The following ARFGEF1 variants were observed in gnomAD, a reference collection of about 807,000 sequenced individuals.
ARFGEF1 encodes the protein brefeldin A-inhibited guanine nucleotide-exchange protein 1.
A neutral mutation model predicts 231.0 loss-of-function variants in ARFGEF1; 42 were observed. The ratio of observed to expected loss-of-function variants is 0.18; its 90% CI spans 0.14 to 0.24. ARFGEF1 has a LOEUF of 0.24. ARFGEF1 is among the 10% of genes least tolerant of loss of function. ARFGEF1 has a pLI of 1.00. For synonymous variants in ARFGEF1, 710 were observed against 732.3 expected (o/e 0.97, Z 0.49); for missense variants, 1,345 against 2,192.0 (o/e 0.61, Z 7.72).
At chr8:67,292,625 T>C (rs1806058722) in intron 5 of ARFGEF1, among the ~76,000 whole-genome samples, 1 of 152,126 alleles carries the variant, frequency 6.6e-6, no homozygotes, top group Non-Finnish European at 1.5e-5. Flanking sequence ...AATGAAGGCT[T>C]AAATCACTCT....
At chr8:67,234,674 T>C (rs542476108) in intron 22 of ARFGEF1, among the ~76,000 whole-genome samples, 1 of 152,152 alleles carries the variant, frequency 6.6e-6, no homozygotes, top group South Asian at 2.1e-4. Context: ...GACCCTTAGG[T>C]TTAATGTACT....
chr8:67,181,954 T>C (rs1833162140), intron 5 of ARFGEF1, among the ~76,000 whole-genome samples: 2 of 152,204 alleles, frequency 1.3e-5, no homozygotes, highest in South Asian at 4.1e-4. Context: ...CTTATTTCAC[T>C]TCACATAACA....
At chr8:67,236,365 A>AAAAAAAAAAT (rs1554638966) in intron 22 of ARFGEF1, among the ~76,000 whole-genome samples, 1 of 29,068 alleles carries the variant, frequency 3.4e-5, no homozygotes, top group Non-Finnish European at 5.9e-5. Flanking sequence ...AAAAAAAAAA[A>AAAAAAAAAAT]ATATATATAT....
chr8:67,192,075 T>G (rs572629914), intron 5 of ARFGEF1, among the ~76,000 whole-genome samples: 41 of 134,768 alleles, frequency 3.0e-4, no homozygotes, highest in East Asian at 1.3e-3. Flanking sequence ...TGTTTTTTTT[T>G]TTGTTTTTTT....
At chr8:67,228,665 T>C (rs913436722) in intron 23 of ARFGEF1, among the ~76,000 whole-genome samples, 1 of 152,092 alleles carries the variant, frequency 6.6e-6, no homozygotes, top group Admixed American at 6.6e-5. Context: ...AAATTTGACG[T>C]ATTTTTACCA....
In ARFGEF1 at chr8:67,218,215, T is replaced by A. The variant is rs1242591792; in HGVS notation, c.4339-77A>T. ...TTAAAAAAAAAAAAAAAAATATATATATATATATATATATATATAAATGTT... is the reference window on the plus strand; with the variant it reads ...TTAAAAAAAAAAAAAAAAATATATAAATATATATATATATATATAAATGTT... On this transcript the variant is annotated intron_variant, in intron 30 of 38. Coordinates refer to ENST00000262215, the MANE Select transcript of ARFGEF1 (RefSeq NM_006421.5). The A allele has an allele frequency of 4.4e-4, 89 of 203,170 alleles. 1 individual carries two copies. Among genetic ancestry groups the A allele is most frequent in the Admixed American group, 2.6e-3 (39 of 14,814 alleles). The allele number at this position is 203,170 out of a possible 1,614,324, so 12.6% of individuals were successfully genotyped here.
At chr8:67,311,148 T>C (rs1256534314) in intron 1 of ARFGEF1, among the ~76,000 whole-genome samples, 8 of 133,580 alleles carry the variant, frequency 6.0e-5, no homozygotes, top group East Asian at 2.4e-4. Flanking sequence ...CTGCCCCGTC[T>C]GGGAGGTGAG....
intron 2 of ARFGEF1, 54 bp from the exon 3 acceptor site, chr8:67,301,434 A>G (rs1214518025): frequency 2.0e-6 from 3 of 1,517,960 alleles, no homozygotes; most frequent in South Asian, 1.3e-5. Context: ...AATATTGATA[A>G]TAAACCCATG....
At chr8:67,291,084 T>A (rs1805987177) in intron 6 of ARFGEF1, among the ~76,000 whole-genome samples, 1 of 151,974 alleles carries the variant, frequency 6.6e-6, no homozygotes, top group African/African-American at 2.4e-5. Context: ...ACAACCACAC[T>A]GGAGAGGCAA....
intron 5 of ARFGEF1, among the ~76,000 whole-genome samples, chr8:67,295,749 A>G (rs1360466942): frequency 6.6e-6 from 1 of 152,170 alleles, no homozygotes; most frequent in East Asian, 1.9e-4. Context: ...TTTAGTTAAC[A>G]GTATTGTACC....
rs1177707036 is a variant in ARFGEF1 at position 67,184,743 on chromosome 8, AT to A, written c.561-9172del. On this transcript the variant is annotated intron_variant, in intron 5 of 5. Coordinates refer to the ARFGEF1 transcript ENST00000518789. Reference sequence around the variant, plus strand: ...TGTCTAAAAAAATAATAATAAAAAAATATAATAATAATAATAATAATAATAA... The same window carrying A: ...TGTCTAAAAAAATAATAATAAAAAAAATAATAATAATAATAATAATAATAA... Among the ~76,000 whole-genome samples, 254 of 127,098 alleles carry A rather than the reference AT, an allele frequency of 2.0e-3. 3 individuals carry two copies. Among genetic ancestry groups the A allele is most frequent in the African/African-American group, 8.9e-3 (243 of 27,212 alleles). The allele number at this position is 127,098 out of a possible 152,430, so 83.4% of individuals were successfully genotyped here.
At chr8:67,240,129 C>T in intron 20 of ARFGEF1, 33 bp downstream of exon 20, 3 of 1,599,768 alleles carry the variant, frequency 1.9e-6, no homozygotes, top group Non-Finnish European at 2.6e-6. Flanking sequence ...ATTAATGTTC[C>T]AAACTGGCTA....
chr8:67,267,513 C>A, intron 10 of ARFGEF1, 71 bp from the exon 11 acceptor site: 1 of 1,020,382 alleles, frequency 9.8e-7, no homozygotes, highest in Non-Finnish European at 1.5e-6. Flanking sequence ...TTTTAAACAT[C>A]CCAGAGCTAT....
chr8:67,222,066 G>T (rs1839184849), intron 29 of ARFGEF1, among the ~76,000 whole-genome samples: 1 of 150,150 alleles, frequency 6.7e-6, no homozygotes, highest in African/African-American at 2.4e-5. Context: ...GCCCACCTTG[G>T]CCTCCCAAAG....
intron 14 of ARFGEF1, among the ~76,000 whole-genome samples, chr8:67,261,603 G>A (rs777965053): frequency 4.6e-5 from 7 of 152,214 alleles, no homozygotes; most frequent in Non-Finnish European, 8.8e-5. Flanking sequence ...TGATGGAGAT[G>A]TGCGATGAGA....
At chr8:67,297,990 G>A (rs1169322819) in intron 4 of ARFGEF1, among the ~76,000 whole-genome samples, 1 of 151,954 alleles carries the variant, frequency 6.6e-6, no homozygotes. Context: ...ATTTTTTGTA[G>A]AGACAGGGTC....
chr8:67,251,220 C>T (rs1325813083), intron 19 of ARFGEF1, 79 bp downstream of exon 19: 2 of 1,330,670 alleles, frequency 1.5e-6, no homozygotes, highest in African/African-American at 3.0e-5. Context: ...CACTGTATCG[C>T]TTCCTTAACT....
At position 67,211,700 on chromosome 8, in the gene ARFGEF1, T is replaced by C; in HGVS notation, c.4687-85A>G. On this transcript the variant is annotated intron_variant, in intron 33 of 38. Coordinates refer to ENST00000262215, the MANE Select transcript of ARFGEF1 (RefSeq NM_006421.5). ...TTTTCTAAAACGCTATTTTAAAAAA[T>C]TATATTATGTCCCTATGAAAATGAT... The C allele has an allele frequency of 4.0e-6, 3 of 756,174 alleles. No homozygotes were observed. In the South Asian group the frequency reaches 1.1e-4, roughly 28 times the overall value. The allele number at this position is 756,174 out of a possible 1,614,324, so 46.8% of individuals were successfully genotyped here. A position where few individuals can be genotyped will look rare whatever the true frequency, so the allele number is the denominator to read the frequency against.
At chr8:67,313,542 T>C (rs1006387220) in intron 1 of ARFGEF1, among the ~76,000 whole-genome samples, 2 of 152,146 alleles carry the variant, frequency 1.3e-5, no homozygotes, top group Non-Finnish European at 2.9e-5. Context: ...ACTGCAGTGA[T>C]TGTTGTCTCT....
Sources: gnomAD v4.1 joint callset for allele counts (sites outside exome capture counted in the v4.1 genomes callset) on GRCh38, gnomAD v4.1.1 for gene constraint, MANE v1.5 for transcripts, NCBI Gene and HGNC (gene_info 2026-07-23, HGNC 2026-07-21) for gene names.